Variants in PTPRD observed in about 807,000 individuals in gnomAD.
The protein encoded by PTPRD is receptor-type tyrosine-protein phosphatase delta.
A neutral mutation model predicts 214.5 loss-of-function variants in PTPRD; 34 were observed. The ratio of observed to expected loss-of-function variants is 0.16; its 90% CI spans 0.12 to 0.21. The LOEUF is 0.21. Among genes scored for constraint, PTPRD ranks in the 10% least tolerant of loss-of-function variants. The probability of loss-of-function intolerance (pLI) is 1.00; values close to 1 mark genes in which losing one functional copy is unlikely to be tolerated. For missense variants in PTPRD, 2,545 were observed against 2,398.7 expected (o/e 1.06, Z -1.27); for synonymous variants, 1,128 against 845.7 (o/e 1.33, Z -5.79).
rs191694658 is a variant in PTPRD at position 9,454,283 on chromosome 9, C to T, written c.-236-56801G>A. On this transcript the variant is annotated intron_variant, in intron 8 of 45. Transcript: ENST00000381196. ...ACCCATTTTCTTGAGGAAATACTCC[C>T]GGTTTGGCTCTTTTGAAGCCACCAA... Among the ~76,000 whole-genome samples, 149 of 151,788 alleles carry T rather than the reference C, an allele frequency of 9.8e-4. 1 individual carries two copies. Among genetic ancestry groups the T allele is most frequent in the African/African-American group, 3.3e-3 (138 of 41,492 alleles).
chr9:8,566,934 T>A (rs571784047), intron 14 of PTPRD, among the ~76,000 whole-genome samples: 12 of 152,148 alleles, frequency 7.9e-5, no homozygotes, highest in Non-Finnish European at 1.6e-4. Context: ...ACTTCATTCT[T>A]GATTTGGGGT....
At chr9:9,670,495 C>A (rs1321725208) in intron 7 of PTPRD, among the ~76,000 whole-genome samples, 1 of 152,122 alleles carries the variant, frequency 6.6e-6, no homozygotes, top group African/African-American at 2.4e-5. Context: ...AATGTTAATC[C>A]CCAAGACAAT....
At chr9:9,081,201 T>A (rs2099758516) in intron 10 of PTPRD, among the ~76,000 whole-genome samples, 1 of 152,174 alleles carries the variant, frequency 6.6e-6, no homozygotes, top group Non-Finnish European at 1.5e-5. Flanking sequence ...TGTATGTTTG[T>A]TCTCATTGGT....
Position 8,919,003 on chromosome 9 carries a change from C to T in PTPRD, c.-104+99694G>A, listed in dbSNP as rs1041937176. On this transcript the variant is annotated intron_variant, in intron 11 of 45. Coordinates refer to ENST00000381196, the MANE Select transcript of PTPRD (RefSeq NM_002839.4). ...CATCGTAGGGAACATAAGTTTATTTCTGAGGATTTCTAAACCCACAGTGGA... is the reference window on the plus strand; with the variant it reads ...CATCGTAGGGAACATAAGTTTATTTTTGAGGATTTCTAAACCCACAGTGGA... Among the ~76,000 whole-genome samples, 3 of 152,150 alleles carry T rather than the reference C, an allele frequency of 2.0e-5. No homozygotes were observed. The East Asian group carries it at 5.8e-4, about 29-fold the overall frequency.
chr9:9,171,071 C>T (rs556174165), intron 10 of PTPRD, among the ~76,000 whole-genome samples: 6 of 152,132 alleles, frequency 3.9e-5, no homozygotes, highest in Non-Finnish European at 8.8e-5. Flanking sequence ...ACCATGTTCT[C>T]AGAAAAATAT....
Position 8,748,843 on chromosome 9 carries a change from G to A in PTPRD, c.-103-14897C>T, listed in dbSNP as rs2093195579. ...TGAGAATCGCTTGAACCCAGGAGCG[G>A]GGGTTGTGGTAAGCCAAGATTGCGC... On this transcript the variant is annotated intron_variant, in intron 11 of 45. Transcript: ENST00000381196. Among the ~76,000 whole-genome samples the A allele has an allele frequency of 2.6e-5, 4 of 152,068 alleles. No individual in the cohort carries two copies. The South Asian group carries it at 8.3e-4, about 32-fold the overall frequency.
Position 9,973,189 on chromosome 9 carries a change from G to A in PTPRD, c.-471-34579C>T, listed in dbSNP as rs562937906. On this transcript the variant is annotated intron_variant, in intron 4 of 45. Coordinates refer to ENST00000381196, the MANE Select transcript of PTPRD (RefSeq NM_002839.4). Reference sequence around the variant, plus strand: ...TAAAAATTAGCAGATGTGGCTGGGCGCAGTGGCTCATGCCTGTAATCCCAG... The same window carrying A: ...TAAAAATTAGCAGATGTGGCTGGGCACAGTGGCTCATGCCTGTAATCCCAG... Among the ~76,000 whole-genome samples the A allele has an allele frequency of 5.9e-5, 9 of 151,730 alleles. No homozygotes were observed. In the South Asian group the frequency reaches 1.0e-3, roughly 18 times the overall value.
intron 3 of PTPRD, among the ~76,000 whole-genome samples, chr9:10,227,258 T>C (rs778182685): frequency 9.2e-5 from 14 of 151,940 alleles, no homozygotes; most frequent in Non-Finnish European, 2.1e-4. Flanking sequence ...AATTACTCTA[T>C]AGAAAAATGG....
chr9:8,751,730 C>T (rs1000746057), intron 11 of PTPRD, among the ~76,000 whole-genome samples: 2 of 152,144 alleles, frequency 1.3e-5, no homozygotes, highest in Non-Finnish European at 2.9e-5. Context: ...CTTTTAACAC[C>T]CCAACATGAA....
intron 13 of PTPRD, among the ~76,000 whole-genome samples, chr9:8,636,038 T>C (rs555332085): frequency 1.3e-5 from 2 of 152,326 alleles, no homozygotes; most frequent in East Asian, 3.9e-4. Flanking sequence ...TGTTTGCATG[T>C]GTTTCTTTCA....
intron 8 of PTPRD, among the ~76,000 whole-genome samples, chr9:9,452,766 G>A (rs1448219611): frequency 6.6e-6 from 1 of 150,974 alleles, no homozygotes; most frequent in African/African-American, 2.4e-5. Context: ...TATCCCTAAA[G>A]GAAAATGTAA....
intron 39 of PTPRD, among the ~76,000 whole-genome samples, chr9:8,359,081 C>T (rs1266259119): frequency 8.8e-6 from 1 of 113,432 alleles, no homozygotes; most frequent in Non-Finnish European, 1.7e-5. Context: ...GCACTCCCAC[C>T]TGGGCCACAG....
intron 9 of PTPRD, among the ~76,000 whole-genome samples, chr9:9,379,899 T>C (rs1207853712): frequency 1.3e-5 from 2 of 152,048 alleles, no homozygotes; most frequent in East Asian, 1.9e-4. Context: ...AATCTTGTTT[T>C]AGTTGCTTAT....
chr9:9,778,643 G>A (rs941853390), intron 5 of PTPRD, among the ~76,000 whole-genome samples: 2 of 152,050 alleles, frequency 1.3e-5, no homozygotes, highest in African/African-American at 4.8e-5. Context: ...TAGCCACTCT[G>A]CAGGAACAGG....
intron 14 of PTPRD, among the ~76,000 whole-genome samples, chr9:8,536,358 T>C (rs1273397912): frequency 3.9e-5 from 6 of 151,940 alleles, no homozygotes; most frequent in Non-Finnish European, 8.8e-5. Context: ...GATGTAATAA[T>C]ACTTTAAAAA....
rs4132322 is a variant in PTPRD at position 9,712,495 on chromosome 9, A to G, written c.-287+22038T>C. ...CTCTCTTTCAGTCAAAAACACATTG[A>G]ACCCGCAGGGAAGAAATACTACCCC... On this transcript the variant is annotated intron_variant, in intron 7 of 45. Coordinates refer to ENST00000381196, the MANE Select transcript of PTPRD (RefSeq NM_002839.4). 0.028 allele frequency among the ~76,000 whole-genome samples: 4,292 copies of G among 152,252 alleles called. 447 individuals are homozygous for G. In the East Asian group the frequency reaches 0.36, roughly 13 times the overall value.
chr9:9,556,929 A>G (rs767113839), intron 8 of PTPRD, among the ~76,000 whole-genome samples: 1 of 152,166 alleles, frequency 6.6e-6, no homozygotes, highest in African/African-American at 2.4e-5. Flanking sequence ...TGTAGAAAAG[A>G]GTAAAGATTT....
At chr9:9,312,204 C>T (rs1595605794) in intron 9 of PTPRD, among the ~76,000 whole-genome samples, 1 of 152,144 alleles carries the variant, frequency 6.6e-6, no homozygotes, top group Non-Finnish European at 1.5e-5. Context: ...TTACTCCACC[C>T]GTTTAAAAAT....
chr9:9,577,734 C>T (rs192128244), intron 7 of PTPRD, among the ~76,000 whole-genome samples: 97 of 152,000 alleles, frequency 6.4e-4, no homozygotes, highest in African/African-American at 1.9e-3. Context: ...TTTTATTTCA[C>T]ATAAAATTCT....
Sources: allele counts gnomAD v4.1 joint callset (sites outside exome capture counted in the v4.1 genomes callset), GRCh38; gene constraint gnomAD v4.1.1; transcripts MANE v1.5; gene names NCBI Gene and HGNC (gene_info 2026-07-23, HGNC 2026-07-21).